The following SYNE1 variants were observed in gnomAD, a reference collection of about 807,000 sequenced individuals.
The protein encoded by SYNE1 is nesprin-1.
In SYNE1, 616 loss-of-function variants were observed where a neutral mutation model predicts 1,111.0. That is an observed-to-expected ratio of 0.55 (90% confidence interval 0.52 to 0.59). The LOEUF (loss-of-function observed/expected upper bound fraction) is 0.59, where lower values mean the gene tolerates loss of function less well. Among genes scored for constraint, SYNE1 ranks in the 20% least tolerant of loss-of-function variants. The pLI is 0.00. For missense variants in SYNE1, 10,006 were observed against 10,417.0 expected, an observed-to-expected ratio of 0.96 and a Z score of 1.72; for synonymous variants, 3,855 against 3,825.8, an observed-to-expected ratio of 1.01 and a Z score of -0.28.
intron 3 of SYNE1, among the ~76,000 whole-genome samples, chr6:152,605,857 T>C (rs574136123): frequency 2.6e-4 from 40 of 152,304 alleles, no homozygotes; most frequent in South Asian, 1.7e-3. Context: ...GTGTATGTGT[T>C]CATTAGAGTA....
chr6:152,395,235 T>A (rs2097714152), intron 51 of SYNE1, among the ~76,000 whole-genome samples: 1 of 152,128 alleles, frequency 6.6e-6, no homozygotes, highest in African/African-American at 2.4e-5. Flanking sequence ...AAGGCTAAAA[T>A]CAAGAGCAAC....
chr6:152,568,936 C>T (rs2099429896), intron 3 of SYNE1, among the ~76,000 whole-genome samples: 1 of 152,116 alleles, frequency 6.6e-6, no homozygotes, highest in South Asian at 2.1e-4. Flanking sequence ...CCAGGGGTAA[C>T]TTTTAAACAA....
At chr6:152,267,935 A>G (rs2092857364) in intron 100 of SYNE1, 121 bp downstream of exon 100, 2 of 870,764 alleles carry the variant, frequency 2.3e-6, no homozygotes. Context: ...CCCTAAAGTA[A>G]AAATAAGATG....
intron 3 of SYNE1, among the ~76,000 whole-genome samples, chr6:152,565,318 A>G (rs2099409350): frequency 1.3e-5 from 2 of 152,232 alleles, no homozygotes; most frequent in South Asian, 4.1e-4. Context: ...TTAGTTAATT[A>G]CTGGGAATAA....
chr6:152,574,334 G>T (rs1200413361), intron 3 of SYNE1, among the ~76,000 whole-genome samples: 2 of 151,948 alleles, frequency 1.3e-5, no homozygotes, highest in East Asian at 1.9e-4. Flanking sequence ...GATCTGGAGA[G>T]TTGCCTCAGA....
Position 152,381,376 on chromosome 6 carries a change from T to A in SYNE1, c.8653-14A>T, listed in dbSNP as rs1165216646. On this transcript the variant is annotated splice_polypyrimidine_tract_variant and intron_variant, in intron 55 of 145. Transcript: ENST00000367255. Reference sequence around the variant, plus strand: ...ATCTATCAGCTCCTGTAATGGAATATCACCATGGTAACTGAAGAGCCTGTG... The same window carrying A: ...ATCTATCAGCTCCTGTAATGGAATAACACCATGGTAACTGAAGAGCCTGTG... 1.2e-6 allele frequency: 2 copies of A among 1,611,498 alleles called. No individual in the cohort carries two copies. Among genetic ancestry groups the A allele is most frequent in the Middle Eastern group, 1.6e-4 (1 of 6,084 alleles).
chr6:152,463,337 G>A lies in SYNE1; in HGVS notation c.2097+16C>T. 6.2e-7 allele frequency: 1 copy of A among 1,613,500 alleles called. No individual in the cohort carries two copies. The highest frequency in any genetic ancestry group is 8.5e-7 in the Non-Finnish European group (1 of 1,179,600). On this transcript the variant is annotated intron_variant, in intron 19 of 145. Transcript: ENST00000367255. ...ACACATACACGTTGAGGTGTATATA[G>A]ACTTGAAAGACATACTTGCTTGACT...
chr6:152,445,343 T>G (rs17082697), intron 29 of SYNE1, among the ~76,000 whole-genome samples: 4,265 of 152,158 alleles, frequency 0.028, 89 homozygotes, highest in Admixed American at 0.033. Context: ...AATTTACAAT[T>G]TTGTAGTCAT....
intron 3 of SYNE1, among the ~76,000 whole-genome samples, chr6:152,541,389 G>A (rs564549169): frequency 6.6e-6 from 1 of 152,204 alleles, no homozygotes; most frequent in African/African-American, 2.4e-5. Context: ...GTGTGTGTGT[G>A]ACTATTGTAA....
intron 49 of SYNE1, among the ~76,000 whole-genome samples, chr6:152,398,015 AG>A (rs1349563525): frequency 6.6e-6 from 1 of 151,412 alleles, no homozygotes; most frequent in African/African-American, 2.4e-5. Flanking sequence ...AAAAAAAAAA[AG>A]AAAAAGGTTA....
rs538265845 is a variant in SYNE1, at chr6:152,612,266, GAA to G, written c.67+15997_67+15998del. Among the ~76,000 whole-genome samples, 93 of 151,974 alleles carry G rather than the reference GAA, an allele frequency of 6.1e-4. 2 individuals are homozygous for G. In the South Asian group the frequency reaches 0.018, roughly 30 times the overall value. On this transcript the variant is annotated intron_variant, in intron 3 of 145. Transcript: ENST00000367255. ...GACTGCTAGCAAGACTAATAAATAA[GAA>G]AAGAGATAAGAATCAAACAGATGCA...
intron 31 of SYNE1, among the ~76,000 whole-genome samples, chr6:152,441,574 G>C (rs550067333): frequency 5.9e-5 from 9 of 152,286 alleles, no homozygotes; most frequent in Non-Finnish European, 1.3e-4. Flanking sequence ...AATAAAAAAG[G>C]CCTCTCAATC....
Position 152,214,907 on chromosome 6 carries a change from T to G in SYNE1, c.22345A>C (p.Ser7449Arg). The G allele has an allele frequency of 6.2e-7, 1 of 1,614,108 alleles. No homozygotes were observed. The highest frequency in any genetic ancestry group is 8.5e-7 in the Non-Finnish European group (1 of 1,179,970). ...CAAGACATCTCTTGTTTACTCTACC[T>G]GAATCTTTCTGTAGTCTGAGAGGAG... ...LISSQTTERFSKLQSFLLQHQ... is the reference protein window; with the variant it reads ...LISSQTTERFRKLQSFLLQHQ... The change falls in exon 122 of 146, where the codon AGC becomes CGC. Residue 7449 changes from serine (S) to arginine (R), a missense_variant and splice_region_variant. Physicochemically the swap from Ser to Arg is moderately radical, Grantham distance 110. Coordinates refer to ENST00000367255, the MANE Select transcript of SYNE1 (RefSeq NM_182961.4).
chr6:152,372,809 C>T (rs1434218992), intron 59 of SYNE1, among the ~76,000 whole-genome samples: 1 of 152,216 alleles, frequency 6.6e-6, no homozygotes, highest in Non-Finnish European at 1.5e-5. Context: ...AAGGCCAAGT[C>T]AGTGACAATA....
At position 152,435,781 on chromosome 6, in the gene SYNE1, T is replaced by C. The variant is rs114984458; in HGVS notation, c.4310+160A>G. ...CTGTTATAGATATTGGTTTCTGTAT[T>C]AGCGATACTTTCTTTTGAACTGTGA... On this transcript the variant is annotated intron_variant, in intron 33 of 145. Transcript: ENST00000367255. 569 of 869,336 alleles carry C rather than the reference T, an allele frequency of 6.5e-4. 4 individuals are homozygous for C. The African/African-American group carries it at 8.9e-3, about 14-fold the overall frequency. The allele number at this position is 869,336 out of a possible 1,614,324, so 53.9% of individuals were successfully genotyped here.
At chr6:152,367,601 A>T (rs1260842441) in intron 61 of SYNE1, 2 of 579,990 alleles carry the variant, frequency 3.4e-6, no homozygotes, top group Non-Finnish European at 6.1e-6. Context: ...TTACAATTTT[A>T]TGCCTCTCCA....
In SYNE1 at chr6:152,352,167, C is replaced by G; in HGVS notation, c.11440G>C (p.Gly3814Arg). The change falls in exon 70 of 146, where the codon GGT (glycine) becomes CGT (arginine). Residue 3814 changes from glycine to arginine, a missense_variant. Physicochemically the swap from Gly to Arg is moderately radical, Grantham distance 125. Transcript: ENST00000367255. ...GAGAATTCCTTTGCTAAATGAAGAC[C>G]TTTTTCCAGCGTCATGTGTTCTTTC... ...VRKEHMTLEK[G>R]LHLAKEFSDK... 1.2e-6 allele frequency: 2 copies of G among 1,614,134 alleles called. No individual in the cohort carries two copies. The highest frequency in any genetic ancestry group is 1.6e-4 in the Middle Eastern group (1 of 6,062).
At chr6:152,527,129 T>C (rs1035974307) in intron 4 of SYNE1, among the ~76,000 whole-genome samples, 2 of 152,302 alleles carry the variant, frequency 1.3e-5, no homozygotes, top group African/African-American at 4.8e-5. Flanking sequence ...GGCCTAATGC[T>C]CAATTCCTGA....
At chr6:152,228,983 C>T (rs2082173008) in intron 115 of SYNE1, among the ~76,000 whole-genome samples, 4 of 152,048 alleles carry the variant, frequency 2.6e-5, no homozygotes, top group Non-Finnish European at 5.9e-5. Flanking sequence ...TTTTCTTTAT[C>T]AATTTTATGC....
Sources: allele counts gnomAD v4.1 joint callset (sites outside exome capture counted in the v4.1 genomes callset), GRCh38; gene constraint gnomAD v4.1.1; transcripts MANE v1.5; gene names NCBI Gene and HGNC (gene_info 2026-07-23, HGNC 2026-07-21).